The following KCNT2 variants were observed in gnomAD, a reference collection of about 807,000 sequenced individuals.
KCNT2 encodes the protein potassium channel subfamily T member 2.
KCNT2 carries 67 observed loss-of-function variants against 153.8 expected under a neutral mutation model. That is an observed-to-expected ratio of 0.44 (90% CI 0.36 to 0.53). The LOEUF (loss-of-function observed/expected upper bound fraction) is 0.53, where lower values mean the gene tolerates loss of function less well. KCNT2 is among the 20% of genes least tolerant of loss of function. KCNT2 has a pLI of 0.00. For missense variants in KCNT2, 975 were observed against 1,354.8 expected, an observed-to-expected ratio of 0.72 and a Z score of 4.40; for synonymous variants, 500 against 458.8, an observed-to-expected ratio of 1.09 and a Z score of -1.15.
At chr1:196,486,612 C>G (rs1322753587) in intron 3 of KCNT2, among the ~76,000 whole-genome samples, 1 of 151,678 alleles carries the variant, frequency 6.6e-6, no homozygotes, top group Admixed American at 6.6e-5. Flanking sequence ...AGCAGAAGAA[C>G]AAAGCATTTG....
rs1217366475 is a variant in KCNT2 at position 196,226,552 on chromosome 1, C to T, written c.*1672G>A. 1.3e-5 allele frequency: 2 copies of T among 151,868 alleles called. No individual in the cohort carries two copies. Among genetic ancestry groups the T allele is most frequent in the Non-Finnish European group, 2.9e-5 (2 of 67,804 alleles). The allele number at this position is 151,868 out of a possible 1,614,324, so 9.4% of individuals were successfully genotyped here. On this transcript the variant is annotated 3_prime_UTR_variant, in exon 28 of 28. Coordinates refer to ENST00000294725, the MANE Select transcript of KCNT2 (RefSeq NM_198503.5). ...CAGGGTCTCTGTTTTAGGGGTAATT[C>T]TTGGTGTTCTTGTTATTCTAAAATG...
intron 14 of KCNT2, among the ~76,000 whole-genome samples, chr1:196,351,328 A>G (rs970148628): frequency 1.3e-5 from 2 of 152,120 alleles, no homozygotes; most frequent in Non-Finnish European, 2.9e-5. Flanking sequence ...AATTCTTCCT[A>G]CCCATGAGCA....
At chr1:196,372,141 A>T (rs1188286933) in intron 14 of KCNT2, among the ~76,000 whole-genome samples, 1 of 152,178 alleles carries the variant, frequency 6.6e-6, no homozygotes, top group East Asian at 1.9e-4. Flanking sequence ...ATTCCTATTC[A>T]CAACTTTGAG....
intron 21 of KCNT2, among the ~76,000 whole-genome samples, chr1:196,313,673 C>CA (rs996876908): frequency 5.4e-5 from 8 of 149,152 alleles, no homozygotes; most frequent in Non-Finnish European, 9.0e-5. Context: ...ACACACAACA[C>CA]AAAAAAAAAG....
At chr1:196,508,544 T>A (rs12029494) in intron 1 of KCNT2, among the ~76,000 whole-genome samples, 1 of 152,100 alleles carries the variant, frequency 6.6e-6, no homozygotes, top group African/African-American at 2.4e-5. Context: ...GAGAAGATAT[T>A]TGAATAAAAT....
intron 23 of KCNT2, among the ~76,000 whole-genome samples, chr1:196,284,248 A>AAAATATATATAT: frequency 2.0e-4 from 2 of 10,050 alleles, no homozygotes; most frequent in African/African-American, 2.7e-4. Context: ...AAAAAAAAAA[A>AAAATATATATAT]ATATATATAT....
At chr1:196,594,971 T>A (rs1663867602) in intron 1 of KCNT2, among the ~76,000 whole-genome samples, 1 of 152,170 alleles carries the variant, frequency 6.6e-6, no homozygotes, top group Admixed American at 6.6e-5. Context: ...AATGGGAATA[T>A]GATATGGTAA....
intron 25 of KCNT2, among the ~76,000 whole-genome samples, chr1:196,272,384 T>C (rs1191176003): frequency 6.6e-6 from 1 of 152,000 alleles, no homozygotes; most frequent in Admixed American, 6.6e-5. Flanking sequence ...CCAAAATTAA[T>C]TAAATCGAAG....
intron 1 of KCNT2, among the ~76,000 whole-genome samples, chr1:196,543,651 TC>T: frequency 6.6e-6 from 1 of 152,268 alleles, no homozygotes; most frequent in East Asian, 1.9e-4. Context: ...TTCTGGATGG[TC>T]CTTAATGAAT....
chr1:196,282,661 C>T (rs182282892), intron 23 of KCNT2, among the ~76,000 whole-genome samples: 4 of 152,158 alleles, frequency 2.6e-5, no homozygotes, highest in African/African-American at 9.6e-5. Context: ...AAAGCAAAAA[C>T]CCCAAATGAA....
chr1:196,574,644 C>G (rs1661147324), intron 1 of KCNT2, among the ~76,000 whole-genome samples: 1 of 151,706 alleles, frequency 6.6e-6, no homozygotes, highest in Non-Finnish European at 1.5e-5. Context: ...TCAATAATAA[C>G]ACAACTTGTT....
chr1:196,470,844 T>A (rs1678028778), intron 5 of KCNT2, among the ~76,000 whole-genome samples: 1 of 150,966 alleles, frequency 6.6e-6, no homozygotes, highest in African/African-American at 2.4e-5. Context: ...AATTTTAAAT[T>A]TTTGCATATA....
intron 1 of KCNT2, among the ~76,000 whole-genome samples, chr1:196,570,483 AT>A: frequency 6.6e-6 from 1 of 152,230 alleles, no homozygotes; most frequent in South Asian, 2.1e-4. Context: ...CATATCACAT[AT>A]TGGTGTTATA....
At chr1:196,228,454 G>A in intron 27 of KCNT2, 119 bp from the exon 28 acceptor site, 1 of 603,330 alleles carries the variant, frequency 1.7e-6, no homozygotes, top group South Asian at 2.2e-5. Flanking sequence ...TAAACTGTCT[G>A]TATACAACAT....
chr1:196,325,180 C>G (rs557839703), intron 19 of KCNT2, among the ~76,000 whole-genome samples: 63 of 152,178 alleles, frequency 4.1e-4, no homozygotes, highest in Admixed American at 2.6e-3. Flanking sequence ...GAAACTTTAT[C>G]TTGAAATTAT....
intron 27 of KCNT2, among the ~76,000 whole-genome samples, chr1:196,234,801 GA>G (rs1272787413): frequency 1.3e-5 from 2 of 151,308 alleles, no homozygotes; most frequent in East Asian, 1.9e-4. Context: ...TTGCTTTCTG[GA>G]TTACAGACAC....
intron 14 of KCNT2, among the ~76,000 whole-genome samples, chr1:196,352,844 G>A (rs1447663963): frequency 6.6e-6 from 1 of 152,008 alleles, no homozygotes; most frequent in East Asian, 1.9e-4. Context: ...TGGGCATTTA[G>A]TGCTATAAAT....
chr1:196,260,990 C>T (rs754945050), intron 25 of KCNT2, among the ~76,000 whole-genome samples: 19 of 151,532 alleles, frequency 1.3e-4, no homozygotes, highest in Non-Finnish European at 2.1e-4. Flanking sequence ...TAGCAACAAA[C>T]GTTTATTACT....
chr1:196,284,775 A>C (rs995065425), intron 23 of KCNT2, among the ~76,000 whole-genome samples: 6 of 152,146 alleles, frequency 3.9e-5, no homozygotes, highest in South Asian at 2.1e-4. Flanking sequence ...ATGGTTCCTG[A>C]CGTTGCTAGA....
Sources: gnomAD v4.1 joint callset for allele counts (sites outside exome capture counted in the v4.1 genomes callset) on GRCh38, gnomAD v4.1.1 for gene constraint, MANE v1.5 for transcripts, NCBI Gene and HGNC (gene_info 2026-07-23, HGNC 2026-07-21) for gene names.